Variants in PDE4B observed in about 807,000 individuals in gnomAD.
PDE4B encodes the protein 3',5'-cyclic-AMP phosphodiesterase 4B.
Under a neutral mutation model 82.2 loss-of-function variants are expected in PDE4B, and 20 were observed. The observed-to-expected ratio is 0.24, with a 90% confidence interval of 0.17 to 0.35. The LOEUF (loss-of-function observed/expected upper bound fraction) is 0.35. PDE4B is among the 10% of genes least tolerant of loss of function. The pLI, the probability that PDE4B is intolerant of heterozygous loss-of-function variation, is 1.00. For missense variants in PDE4B, 655 were observed against 907.2 expected (o/e 0.72, Z 3.57); for synonymous variants, 320 against 318.9 (o/e 1.00, Z -0.04).
At chr1:66,288,557 G>A (rs1656847114) in intron 7 of PDE4B, among the ~76,000 whole-genome samples, 1 of 152,250 alleles carries the variant, frequency 6.6e-6, no homozygotes, top group South Asian at 2.1e-4. Flanking sequence ...CTGAATAAAT[G>A]TTAAAGAACG....
intron 3 of PDE4B, among the ~76,000 whole-genome samples, chr1:66,020,179 C>A (rs1017907038): frequency 6.6e-6 from 1 of 152,152 alleles, no homozygotes; most frequent in Admixed American, 6.6e-5. Context: ...TGCTGGTCAA[C>A]AGTGTAGCTA....
At chr1:66,162,368 A>G (rs549179523) in intron 3 of PDE4B, among the ~76,000 whole-genome samples, 9 of 124,842 alleles carry the variant, frequency 7.2e-5, no homozygotes, top group African/African-American at 2.5e-4. Context: ...ATAGCATCTA[A>G]TCTGTGACTT....
intron 1 of PDE4B, among the ~76,000 whole-genome samples, chr1:65,854,049 T>C (rs1426458025): frequency 7.2e-5 from 11 of 151,802 alleles, no homozygotes; most frequent in Admixed American, 7.2e-4. Context: ...AGGGTTATTA[T>C]AGATGATCTA....
At chr1:65,870,128 A>AT (rs1157506036) in intron 1 of PDE4B, among the ~76,000 whole-genome samples, 3 of 152,064 alleles carry the variant, frequency 2.0e-5, no homozygotes, top group Non-Finnish European at 4.4e-5. Context: ...TATCCAAGAG[A>AT]TTTTCACCCA....
chr1:65,849,422 G>A (rs186612618), intron 1 of PDE4B, among the ~76,000 whole-genome samples: 116 of 152,328 alleles, frequency 7.6e-4, no homozygotes, highest in Non-Finnish European at 1.4e-3. Context: ...CTGAGAACAG[G>A]GAGGTGCCAG....
chr1:66,021,794 G>A (rs1218315389), intron 3 of PDE4B, among the ~76,000 whole-genome samples: 3 of 152,246 alleles, frequency 2.0e-5, no homozygotes, highest in African/African-American at 7.2e-5. Context: ...TGGCAATGCG[G>A]GCTCTTTTTT....
intron 3 of PDE4B, among the ~76,000 whole-genome samples, chr1:65,941,564 A>G (rs1056287325): frequency 1.3e-5 from 2 of 152,046 alleles, no homozygotes; most frequent in African/African-American, 4.8e-5. Context: ...CTCATGAAAT[A>G]GAGTTACTGG....
At chr1:66,302,109 C>T (rs1657937366) in intron 7 of PDE4B, among the ~76,000 whole-genome samples, 1 of 152,132 alleles carries the variant, frequency 6.6e-6, no homozygotes, top group South Asian at 2.1e-4. Flanking sequence ...AATTGCAGTG[C>T]TCTGTCCTAT....
intron 3 of PDE4B, among the ~76,000 whole-genome samples, chr1:65,937,363 C>T (rs1241024447): frequency 6.6e-6 from 1 of 152,158 alleles, no homozygotes; most frequent in African/African-American, 2.4e-5. Flanking sequence ...CTCTGAAACA[C>T]AGGATGTGCT....
intron 3 of PDE4B, among the ~76,000 whole-genome samples, chr1:66,025,682 C>G (rs985884644): frequency 6.6e-6 from 1 of 152,182 alleles, no homozygotes; most frequent in Non-Finnish European, 1.5e-5. Context: ...TCACCATTCT[C>G]TGGGTGTCCC....
At chr1:66,294,357 T>G (rs1657342434) in intron 7 of PDE4B, among the ~76,000 whole-genome samples, 1 of 152,204 alleles carries the variant, frequency 6.6e-6, no homozygotes, top group African/African-American at 2.4e-5. Flanking sequence ...TATCAACTTC[T>G]GATTGTTTAT....
intron 4 of PDE4B, among the ~76,000 whole-genome samples, chr1:66,248,776 A>G (rs1397610769): frequency 1.3e-5 from 2 of 152,258 alleles, no homozygotes; most frequent in African/African-American, 4.8e-5. Flanking sequence ...AATAAGAAAG[A>G]TAAGAGGAAC....
intron 9 of PDE4B, chr1:66,360,832 T>C (rs1479851195): frequency 2.0e-5 from 3 of 152,198 alleles, no homozygotes; most frequent in African/African-American, 7.2e-5. Flanking sequence ...TGTTACCTTG[T>C]TGTAACATAA....
chr1:65,883,969 G>C (rs1160015851), intron 1 of PDE4B, among the ~76,000 whole-genome samples: 1 of 152,126 alleles, frequency 6.6e-6, no homozygotes, highest in Non-Finnish European at 1.5e-5. Flanking sequence ...TTATTGATGT[G>C]CGTGTGTTGA....
At chr1:66,159,963 C>A (rs1179146922) in intron 3 of PDE4B, among the ~76,000 whole-genome samples, 1 of 152,190 alleles carries the variant, frequency 6.6e-6, no homozygotes, top group African/African-American at 2.4e-5. Flanking sequence ...CCTCCTCCCT[C>A]TTCTAGGAAA....
chr1:65,894,465 G>A (rs573362488), intron 1 of PDE4B, among the ~76,000 whole-genome samples: 27 of 152,098 alleles, frequency 1.8e-4, no homozygotes, highest in African/African-American at 6.5e-4. Context: ...TGAAATGATG[G>A]GTTGATCAAA....
chr1:65,840,641 A>C (rs1054616562), intron 1 of PDE4B, among the ~76,000 whole-genome samples: 16 of 152,156 alleles, frequency 1.1e-4, no homozygotes, highest in Admixed American at 7.2e-4. Context: ...CTCTTATGTT[A>C]TTTTGGTTAA....
intron 3 of PDE4B, among the ~76,000 whole-genome samples, chr1:66,001,148 C>T (rs1487605258): frequency 1.3e-5 from 2 of 151,984 alleles, no homozygotes; most frequent in African/African-American, 4.8e-5. Flanking sequence ...CTAATATGTC[C>T]AGGAATGGCA....
chr1:66,317,944 T>G (rs1248943741), intron 7 of PDE4B, among the ~76,000 whole-genome samples: 1 of 152,120 alleles, frequency 6.6e-6, no homozygotes, highest in Admixed American at 6.5e-5. Flanking sequence ...TTAGGCAAGA[T>G]TGAGGAGGTG....
Sources: gnomAD v4.1 joint callset for allele counts (sites outside exome capture counted in the v4.1 genomes callset) on GRCh38, gnomAD v4.1.1 for gene constraint, MANE v1.5 for transcripts, NCBI Gene and HGNC (gene_info 2026-07-23, HGNC 2026-07-21) for gene names.